SLC1A6: variants seen among roughly 807,000 people sequenced by gnomAD.
The protein encoded by SLC1A6 is solute carrier family 1 member 6.
In SLC1A6, 15 loss-of-function variants were observed where a neutral mutation model predicts 42.1. The observed-to-expected ratio is 0.36, with a 90% CI of 0.24 to 0.55. The LOEUF (loss-of-function observed/expected upper bound fraction) is 0.55, where lower values mean the gene tolerates loss of function less well. Ranked by LOEUF, SLC1A6 falls within the 20% of genes least tolerant of loss-of-function variation. SLC1A6 has a pLI of 0.88. For missense variants in SLC1A6, 542 were observed against 772.5 expected, an observed-to-expected ratio of 0.70 and a Z score of 3.54; for synonymous variants, 317 against 319.7, an observed-to-expected ratio of 0.99 and a Z score of 0.09.
chr19:14,989,342 A>G (rs1600030393), intron 1 of SLC1A6, among the ~76,000 whole-genome samples: 1 of 151,804 alleles, frequency 6.6e-6, no homozygotes, highest in Middle Eastern at 3.2e-3. Context: ...GCTCACTGCA[A>G]CCTCCACCTC....
intron 1 of SLC1A6, chr19:14,974,563 G>A (rs1325373753): frequency 6.6e-6 from 1 of 151,612 alleles, no homozygotes; most frequent in Non-Finnish European, 1.5e-5. Context: ...ATGGGCCTGA[G>A]GAACTTTTCT....
chr19:14,990,499 G>C (rs1211320871), intron 1 of SLC1A6, among the ~76,000 whole-genome samples: 1 of 152,230 alleles, frequency 6.6e-6, no homozygotes, highest in African/African-American at 2.4e-5. Flanking sequence ...GCTGGGTGCA[G>C]TGGCTCATGC....
At chr19:15,005,558 T>C (rs944829138) in intron 1 of SLC1A6, among the ~76,000 whole-genome samples, 3 of 151,982 alleles carry the variant, frequency 2.0e-5, no homozygotes, top group African/African-American at 7.3e-5. Context: ...GTTCTTCAAA[T>C]ACATATCAGG....
chr19:15,006,770 A>AG (rs1555711513), intron 1 of SLC1A6, among the ~76,000 whole-genome samples: 4 of 149,130 alleles, frequency 2.7e-5, no homozygotes, highest in African/African-American at 1.0e-4. Context: ...CAAAAAAAAA[A>AG]AAAGAAAAAG....
chr19:14,954,384 T>G lies in SLC1A6; in HGVS notation c.1170-55A>C, dbSNP rs532670480. On this transcript the variant is annotated intron_variant, in intron 7 of 9. Transcript: ENST00000594383. ...GGGCGTGGCCTGGTGGGGGCGGGGC[T>G]GGGAACAGGGTGTGGCCTAGTGGGG... 227 of 1,530,240 alleles carry G rather than the reference T, an allele frequency of 1.5e-4. No homozygotes were observed. The African/African-American group carries it at 2.8e-3, about 19-fold the overall frequency. The allele number at this position is 1,530,240 out of a possible 1,614,324, so 94.8% of individuals were successfully genotyped here.
At chr19:14,986,719 T>C (rs1290019241) in intron 1 of SLC1A6, among the ~76,000 whole-genome samples, 1 of 151,568 alleles carries the variant, frequency 6.6e-6, no homozygotes, top group Non-Finnish European at 1.5e-5. Context: ...GCCTCTTGAG[T>C]AGCTGGGAAT....
chr19:14,995,967 AT>A (rs562861691), intron 1 of SLC1A6, among the ~76,000 whole-genome samples: 3 of 152,034 alleles, frequency 2.0e-5, no homozygotes, highest in African/African-American at 4.8e-5. Context: ...GATCTTAAAG[AT>A]TTTTTTTACT....
chr19:14,994,267 G>A (rs2045834546), intron 1 of SLC1A6, among the ~76,000 whole-genome samples: 3 of 151,994 alleles, frequency 2.0e-5, no homozygotes, highest in Admixed American at 2.0e-4. Context: ...AGAGGGTGAG[G>A]CCAGAGTATT....
At chr19:15,010,215 A>AAG (rs1351059380) in intron 1 of SLC1A6, among the ~76,000 whole-genome samples, 1 of 84,340 alleles carries the variant, frequency 1.2e-5, no homozygotes, top group Non-Finnish European at 2.5e-5. Context: ...AGAAAAAAGA[A>AAG]AGAGAGAGAG....
chr19:14,995,913 G>A (rs34299961), intron 1 of SLC1A6, among the ~76,000 whole-genome samples: 31,850 of 151,974 alleles, frequency 0.21, 3,818 homozygotes, highest in East Asian at 0.47. Context: ...CAATATCATT[G>A]ATGAAGAAGA....
chr19:14,975,873 AGGG>A (rs2045702937), intron 1 of SLC1A6, among the ~76,000 whole-genome samples: 1 of 47,324 alleles, frequency 2.1e-5, no homozygotes, highest in African/African-American at 1.1e-4. Flanking sequence ...AGGGAAGGAA[AGGG>A]AAGGGAAGGG....
rs1225954304 is a variant in SLC1A6, at chr19:14,954,589, T to C, written c.1170-260A>G. 2.0e-5 allele frequency among the ~76,000 whole-genome samples: 3 copies of C among 149,064 alleles called. No homozygotes were observed. In the East Asian group the frequency reaches 6.0e-4, roughly 30 times the overall value. On this transcript the variant is annotated intron_variant, in intron 7 of 9. Coordinates refer to ENST00000594383, the MANE Select transcript of SLC1A6 (RefSeq NM_005071.3). ...GTGAGGAAGAGCTGAGAATAGGGCGTGGCAAGGCAGGGCGGGGCTCAGAGC... is the reference window on the plus strand; with the variant it reads ...GTGAGGAAGAGCTGAGAATAGGGCGCGGCAAGGCAGGGCGGGGCTCAGAGC...
intron 1 of SLC1A6, among the ~76,000 whole-genome samples, chr19:14,992,091 G>A (rs933726789): frequency 1.5e-4 from 23 of 152,336 alleles, no homozygotes; most frequent in African/African-American, 5.3e-4. Flanking sequence ...CTCCCAAAGT[G>A]CTGGGATTAC....
chr19:14,966,680 C>A (rs960352412), intron 4 of SLC1A6, among the ~76,000 whole-genome samples: 2 of 152,064 alleles, frequency 1.3e-5, no homozygotes, highest in African/African-American at 2.4e-5. Flanking sequence ...ATATGCCATG[C>A]AAATACTATG....
At chr19:14,951,615 C>T (rs1323231572) in intron 9 of SLC1A6, among the ~76,000 whole-genome samples, 1 of 152,050 alleles carries the variant, frequency 6.6e-6, no homozygotes, top group Admixed American at 6.5e-5. Context: ...CTCCCAGGTT[C>T]AAGCGATTCT....
chr19:15,007,450 A>G (rs2045901150), intron 1 of SLC1A6, among the ~76,000 whole-genome samples: 1 of 152,198 alleles, frequency 6.6e-6, no homozygotes, highest in South Asian at 2.1e-4. Context: ...GAAGTGTTCT[A>G]GAATTCGATA....
In SLC1A6 at chr19:14,959,728, G is replaced by A. The variant is rs1048627203; in HGVS notation, c.935+2274C>T. 3.9e-5 allele frequency among the ~76,000 whole-genome samples: 6 copies of A among 152,070 alleles called. No homozygotes were observed. The East Asian group carries it at 1.2e-3, about 29-fold the overall frequency. ...CTCCAAACAACTTAGGTACCTTCAA[G>A]CTTTGCATGTTCTCTTCTCTCTGCC... On this transcript the variant is annotated intron_variant, in intron 6 of 9. Transcript: ENST00000594383.
intron 8 of SLC1A6, among the ~76,000 whole-genome samples, chr19:14,953,333 T>G (rs2045431166): frequency 1.4e-5 from 2 of 145,502 alleles, no homozygotes; most frequent in Admixed American, 6.9e-5. Flanking sequence ...TGCAGTGGTG[T>G]TATCTCAGCT....
intron 5 of SLC1A6, among the ~76,000 whole-genome samples, chr19:14,963,454 G>A (rs2045538056): frequency 6.6e-6 from 1 of 152,072 alleles, no homozygotes; most frequent in Admixed American, 6.6e-5. Flanking sequence ...GATTTTAAGT[G>A]TCTTTATCTC....
Sources: gnomAD v4.1 joint callset for allele counts (sites outside exome capture counted in the v4.1 genomes callset) on GRCh38, gnomAD v4.1.1 for gene constraint, MANE v1.5 for transcripts, NCBI Gene and HGNC (gene_info 2026-07-23, HGNC 2026-07-21) for gene names.